CAST: variants seen among roughly 807,000 people sequenced by gnomAD.
The protein encoded by CAST is MIR583 host.
In CAST, 76 loss-of-function variants were observed where a neutral mutation model predicts 119.6. That is an observed-to-expected ratio of 0.64 (90% confidence interval 0.53 to 0.77). The LOEUF (loss-of-function observed/expected upper bound fraction) is 0.77. Ranked by LOEUF, CAST falls within the 30% of genes least tolerant of loss-of-function variation. The pLI, the probability that CAST is intolerant of heterozygous loss-of-function variation, is 0.00. For synonymous variants in CAST, 319 were observed against 331.6 expected, an observed-to-expected ratio of 0.96 and a Z score of 0.41; for missense variants, 953 against 946.5, an observed-to-expected ratio of 1.01 and a Z score of -0.09.
chr5:96,353,471 C>G, the CAST span, among the ~76,000 whole-genome samples: 1 of 152,134 alleles, frequency 6.6e-6, no homozygotes, highest in Non-Finnish European at 1.5e-5. Context: ...GCTGGTAAAA[C>G]ATTGTTTCTG....
intron 1 of CAST, chr5:96,663,238 C>T (rs1430049486): frequency 7.1e-6 from 5 of 702,346 alleles, no homozygotes; most frequent in African/African-American, 5.2e-5. Context: ...TTTGCTTTGC[C>T]CTTCTGGGCG....
the CAST span, among the ~76,000 whole-genome samples, chr5:96,185,771 G>A: frequency 6.6e-6 from 1 of 152,158 alleles, no homozygotes; most frequent in South Asian, 2.1e-4. Context: ...ATAGTTTGAA[G>A]TTGGGTAGCA....
intron 1 of CAST, among the ~76,000 whole-genome samples, chr5:96,561,355 TA>T (rs55783334): frequency 0.21 from 26,855 of 130,502 alleles, 2,770 homozygotes; most frequent in East Asian, 0.29. Flanking sequence ...TAAAGTATAA[TA>T]AAAAAAAGAA....
the CAST span, among the ~76,000 whole-genome samples, chr5:96,059,176 C>T: frequency 6.6e-6 from 1 of 152,110 alleles, no homozygotes; most frequent in Non-Finnish European, 1.5e-5. Flanking sequence ...CTGCTCCCAC[C>T]TCCTGGCTAC....
chr5:96,597,281 T>C (rs1197703760), intron 1 of CAST, among the ~76,000 whole-genome samples: 1 of 152,244 alleles, frequency 6.6e-6, no homozygotes, highest in Non-Finnish European at 1.5e-5. Flanking sequence ...TTTATCCATC[T>C]GCCCTAAAAA....
At chr5:96,104,795 GA>G in the CAST span, among the ~76,000 whole-genome samples, 23 of 110,792 alleles carry the variant, frequency 2.1e-4, 1 homozygote, top group Non-Finnish European at 2.0e-4. Flanking sequence ...GCTTGATGGG[GA>G]TGGCATTGAA....
intron 10 of CAST, among the ~76,000 whole-genome samples, chr5:96,737,095 A>G (rs188725764): frequency 6.6e-6 from 1 of 152,270 alleles, no homozygotes; most frequent in Non-Finnish European, 1.5e-5. Flanking sequence ...AATCGCCCCA[A>G]TGATCCAGTC....
chr5:96,144,899 T>C, the CAST span, among the ~76,000 whole-genome samples: 1 of 152,126 alleles, frequency 6.6e-6, no homozygotes, highest in Non-Finnish European at 1.5e-5. Flanking sequence ...CACTTTTATA[T>C]ACCGAACACT....
intron 1 of CAST, among the ~76,000 whole-genome samples, chr5:96,580,652 T>C (rs1746755324): frequency 6.6e-6 from 1 of 152,214 alleles, no homozygotes; most frequent in Non-Finnish European, 1.5e-5. Context: ...TGGATTACAT[T>C]TGGAGTAGCA....
chr5:96,492,633 C>G, the CAST span, among the ~76,000 whole-genome samples: 1 of 152,126 alleles, frequency 6.6e-6, no homozygotes, highest in African/African-American at 2.4e-5. Flanking sequence ...TAAATATGAT[C>G]GGGATTTCCT....
At chr5:95,961,558 C>A in the CAST span, 2 of 1,565,624 alleles carry the variant, frequency 1.3e-6, no homozygotes, top group Non-Finnish European at 1.7e-6. Flanking sequence ...GCCCAGCCTG[C>A]CGGCCGGCCC....
chr5:96,256,985 C>T, the CAST span, among the ~76,000 whole-genome samples: 1 of 152,148 alleles, frequency 6.6e-6, no homozygotes, highest in Non-Finnish European at 1.5e-5. Flanking sequence ...ACGTCGTCTT[C>T]TTTTCCCTTG....
intron 1 of CAST, among the ~76,000 whole-genome samples, chr5:96,544,192 A>T (rs1269378749): frequency 6.6e-6 from 1 of 152,190 alleles, no homozygotes; most frequent in African/African-American, 2.4e-5. Context: ...CAATCCATGA[A>T]CATGGACTAT....
chr5:96,584,341 C>T (rs1170284084), intron 1 of CAST, among the ~76,000 whole-genome samples: 1 of 152,106 alleles, frequency 6.6e-6, no homozygotes, highest in African/African-American at 2.4e-5. Context: ...GCTGCATGGC[C>T]CAGGTCCTAA....
At chr5:96,710,696 C>G (rs754068731) in intron 3 of CAST, among the ~76,000 whole-genome samples, 1 of 152,046 alleles carries the variant, frequency 6.6e-6, no homozygotes, top group African/African-American at 2.4e-5. Flanking sequence ...GTTATGAATT[C>G]CTGCCTATTC....
chr5:96,262,361 A>G, the CAST span, among the ~76,000 whole-genome samples: 3 of 152,168 alleles, frequency 2.0e-5, no homozygotes, highest in South Asian at 2.1e-4. Flanking sequence ...AGCTTCCTCA[A>G]CTTTTCATAT....
the CAST span, among the ~76,000 whole-genome samples, chr5:96,237,569 A>T: frequency 6.6e-6 from 1 of 152,314 alleles, no homozygotes. Context: ...GCCTGGAACC[A>T]TATTCTGGAA....
chr5:96,035,547 G>C, the CAST span, among the ~76,000 whole-genome samples: 1 of 151,886 alleles, frequency 6.6e-6, no homozygotes, highest in Non-Finnish European at 1.5e-5. Flanking sequence ...TTGTGATTAG[G>C]GAAGTCTAGA....
the CAST span, among the ~76,000 whole-genome samples, chr5:96,116,699 TATTTGCATATCATC>T: frequency 2.6e-5 from 4 of 152,376 alleles, no homozygotes; most frequent in East Asian, 7.7e-4. Flanking sequence ...GCTTATTGTT[TATTTGCATATCATC>T]ATTTGCATAT....
Sources: allele counts gnomAD v4.1 joint callset (sites outside exome capture counted in the v4.1 genomes callset), GRCh38; gene constraint gnomAD v4.1.1; transcripts MANE v1.5; gene names NCBI Gene and HGNC (gene_info 2026-07-23, HGNC 2026-07-21).